Variants in TENM2 observed in about 807,000 individuals in gnomAD.
TENM2 encodes the protein teneurin transmembrane protein 2.
Under a neutral mutation model 245.2 loss-of-function variants are expected in TENM2, and 52 were observed. The ratio of observed to expected loss-of-function variants is 0.21; its 90% confidence interval spans 0.17 to 0.27. The LOEUF (loss-of-function observed/expected upper bound fraction) is 0.27, where lower values mean the gene tolerates loss of function less well. Ranked by LOEUF, TENM2 falls within the 10% of genes least tolerant of loss-of-function variation. The probability of loss-of-function intolerance (pLI) is 1.00; values close to 1 mark genes in which losing one functional copy is unlikely to be tolerated. For missense variants in TENM2, 3,046 were observed against 3,666.8 expected (o/e 0.83, Z 4.37); for synonymous variants, 1,363 against 1,438.9 (o/e 0.95, Z 1.19).
chr5:167,895,588 G>A (rs1016724222), intron 3 of TENM2, among the ~76,000 whole-genome samples: 2 of 152,124 alleles, frequency 1.3e-5, no homozygotes, highest in African/African-American at 2.4e-5. Context: ...TAAAACAGAG[G>A]TTCTCACTCT....
chr5:168,059,664 G>T (rs1489304347), intron 6 of TENM2, among the ~76,000 whole-genome samples: 2 of 151,590 alleles, frequency 1.3e-5, no homozygotes, highest in Non-Finnish European at 2.9e-5. Context: ...CCAAGGAAGG[G>T]GTATCAAATG....
At chr5:167,466,527 G>C (rs1305201041) in intron 2 of TENM2, among the ~76,000 whole-genome samples, 3 of 152,148 alleles carry the variant, frequency 2.0e-5, no homozygotes, top group Admixed American at 6.6e-5. Flanking sequence ...AATTATCATA[G>C]TGGCTGATAT....
intron 2 of TENM2, among the ~76,000 whole-genome samples, chr5:167,814,394 G>A (rs920097199): frequency 1.4e-5 from 2 of 143,406 alleles, no homozygotes; most frequent in East Asian, 2.1e-4. Context: ...TCCTGGTGAC[G>A]TTTCACTCAG....
intron 2 of TENM2, among the ~76,000 whole-genome samples, chr5:167,836,050 A>G (rs949362010): frequency 3.9e-5 from 6 of 152,124 alleles, no homozygotes; most frequent in Non-Finnish European, 7.4e-5. Flanking sequence ...CTTTTTTAAA[A>G]CTGGTGGGGG....
At chr5:168,241,616 G>A (rs1365024105) in intron 25 of TENM2, among the ~76,000 whole-genome samples, 1 of 151,972 alleles carries the variant, frequency 6.6e-6, no homozygotes, top group Non-Finnish European at 1.5e-5. Context: ...CTCTCTCTGA[G>A]ATGACCTTAT....
chr5:168,054,517 G>C (rs1195250763), intron 6 of TENM2, among the ~76,000 whole-genome samples: 1 of 152,234 alleles, frequency 6.6e-6, no homozygotes, highest in Non-Finnish European at 1.5e-5. Flanking sequence ...CTGCAAGGCA[G>C]ATTTATGCTG....
At chr5:168,031,897 C>T (rs1279092288) in intron 5 of TENM2, among the ~76,000 whole-genome samples, 1 of 152,136 alleles carries the variant, frequency 6.6e-6, no homozygotes, top group Admixed American at 6.5e-5. Context: ...GGACCTGGAC[C>T]TGAAGCCAGG....
intron 1 of TENM2, among the ~76,000 whole-genome samples, chr5:167,361,245 G>A (rs111565470): frequency 4.8e-4 from 73 of 152,176 alleles, no homozygotes; most frequent in African/African-American, 1.7e-3. Context: ...AGAAGAAAGC[G>A]AGCAATGAGT....
chr5:167,417,660 G>A (rs571902675), intron 2 of TENM2, among the ~76,000 whole-genome samples: 2 of 152,208 alleles, frequency 1.3e-5, no homozygotes, highest in East Asian at 3.9e-4. Flanking sequence ...GTGGTAAGTG[G>A]TGTGATTCCC....
intron 2 of TENM2, among the ~76,000 whole-genome samples, chr5:167,416,320 T>C (rs1732683702): frequency 6.6e-6 from 1 of 152,196 alleles, no homozygotes; most frequent in Non-Finnish European, 1.5e-5. Context: ...GTAAATGCAA[T>C]CTGGTATCAC....
At chr5:167,794,048 G>A (rs186454332) in intron 2 of TENM2, among the ~76,000 whole-genome samples, 23 of 151,752 alleles carry the variant, frequency 1.5e-4, no homozygotes, top group African/African-American at 4.4e-4. Flanking sequence ...GAGGAATATC[G>A]CTTAGGGCTC....
At chr5:167,159,904 A>G in the TENM2 span, among the ~76,000 whole-genome samples, 1 of 151,876 alleles carries the variant, frequency 6.6e-6, no homozygotes, top group Non-Finnish European at 1.5e-5. Context: ...AATTATTTAC[A>G]GTGTGGTCCA....
At chr5:167,802,575 A>G (rs1765861427) in intron 2 of TENM2, among the ~76,000 whole-genome samples, 1 of 152,112 alleles carries the variant, frequency 6.6e-6, no homozygotes, top group Non-Finnish European at 1.5e-5. Context: ...CGAGCTTGAA[A>G]CCTGAAAGGA....
At chr5:167,691,742 G>T (rs1414883345) in intron 2 of TENM2, among the ~76,000 whole-genome samples, 1 of 152,230 alleles carries the variant, frequency 6.6e-6, no homozygotes, top group African/African-American at 2.4e-5. Context: ...GCTCCTGGTG[G>T]TTAGGAGAAC....
rs942395630 is a variant in TENM2, at chr5:167,438,919, G to A, written c.502+63446G>A. 2.6e-5 allele frequency among the ~76,000 whole-genome samples: 4 copies of A among 152,024 alleles called. No individual in the cohort carries two copies. In the East Asian group the frequency reaches 5.9e-4, roughly 22 times the overall value. On this transcript the variant is annotated intron_variant, in intron 2 of 28. Transcript: ENST00000518659. ...AGCACTTCTCCTGCCTCAGCCTCCC[G>A]AGTAGCTGGGATGACAGGCGCCCAC...
intron 2 of TENM2, among the ~76,000 whole-genome samples, chr5:167,397,952 A>G (rs187679360): frequency 1.6e-4 from 25 of 152,254 alleles, no homozygotes; most frequent in Non-Finnish European, 2.2e-4. Context: ...TCAACTTCCA[A>G]TGTATTTTTA....
At chr5:167,661,501 T>G (rs1755204677) in intron 2 of TENM2, among the ~76,000 whole-genome samples, 1 of 152,214 alleles carries the variant, frequency 6.6e-6, no homozygotes, top group Non-Finnish European at 1.5e-5. Flanking sequence ...CTTACTTAGC[T>G]GGTGCCACTT....
intron 2 of TENM2, among the ~76,000 whole-genome samples, chr5:167,675,379 A>G (rs1756248044): frequency 6.6e-6 from 1 of 152,126 alleles, no homozygotes; most frequent in African/African-American, 2.4e-5. Flanking sequence ...CTCTGCTTCC[A>G]TTAATAATCT....
intron 2 of TENM2, among the ~76,000 whole-genome samples, chr5:167,556,465 T>G (rs1166069220): frequency 1.3e-5 from 2 of 151,340 alleles, no homozygotes; most frequent in Non-Finnish European, 2.9e-5. Flanking sequence ...AAATTCAGCG[T>G]GTACGTTTGC....
Sources: allele counts gnomAD v4.1 joint callset (sites outside exome capture counted in the v4.1 genomes callset), GRCh38; gene constraint gnomAD v4.1.1; transcripts MANE v1.5; gene names NCBI Gene and HGNC (gene_info 2026-07-23, HGNC 2026-07-21).